The following SHANK2 variants were observed in gnomAD, a reference collection of about 807,000 sequenced individuals.
SHANK2 encodes the protein SH3 and multiple ankyrin repeat domains 2.
In SHANK2, 43 loss-of-function variants were observed where a neutral mutation model predicts 133.7. The ratio of observed to expected loss-of-function variants is 0.32; its 90% CI spans 0.25 to 0.41. SHANK2 has a LOEUF of 0.41. SHANK2 is among the 10% of genes least tolerant of loss of function. SHANK2 has a pLI of 1.00. For missense variants in SHANK2, 1,994 were observed against 2,235.8 expected (o/e 0.89, Z 2.18); for synonymous variants, 1,017 against 952.8 (o/e 1.07, Z -1.24).
At chr11:70,518,540 A>T (rs2059293079) in intron 17 of SHANK2, among the ~76,000 whole-genome samples, 1 of 152,162 alleles carries the variant, frequency 6.6e-6, no homozygotes, top group East Asian at 1.9e-4. Flanking sequence ...GCCTTTTTAC[A>T]TCTCTAGGCT....
chr11:71,157,826 C>A (rs1319192128), intron 2 of SHANK2, among the ~76,000 whole-genome samples: 1 of 152,186 alleles, frequency 6.6e-6, no homozygotes, highest in East Asian at 1.9e-4. Flanking sequence ...AAGGGAGCGA[C>A]TTGCCCAAGG....
intron 15 of SHANK2, among the ~76,000 whole-genome samples, chr11:70,680,374 CG>C (rs1256366467): frequency 6.6e-6 from 1 of 152,226 alleles, no homozygotes; most frequent in East Asian, 1.9e-4. Context: ...TGTTGGAGGG[CG>C]GGCTCCCCAC....
chr11:70,682,189 C>T (rs1945044233), intron 15 of SHANK2, among the ~76,000 whole-genome samples: 1 of 152,298 alleles, frequency 6.6e-6, no homozygotes, highest in South Asian at 2.1e-4. Context: ...CTGCTACTGC[C>T]ACTGTCTGAA....
rs1948999156 is a variant in SHANK2, at chr11:70,846,475, G to C, written c.1175-25793C>G. 3.3e-5 allele frequency among the ~76,000 whole-genome samples: 5 copies of C among 151,904 alleles called. No homozygotes were observed. In the South Asian group the frequency reaches 1.0e-3, roughly 32 times the overall value. ...TGTAGAGATGGGGCCTTGCTATGTTGCCCAGGCTGGCCTCAAGCGATCCTC... is the reference window on the plus strand; with the variant it reads ...TGTAGAGATGGGGCCTTGCTATGTTCCCCAGGCTGGCCTCAAGCGATCCTC... On this transcript the variant is annotated intron_variant, in intron 11 of 25. Coordinates refer to ENST00000601538, the MANE Select transcript of SHANK2 (RefSeq NM_012309.5).
intron 2 of SHANK2, among the ~76,000 whole-genome samples, chr11:71,192,903 C>T (rs1257807925): frequency 1.3e-5 from 2 of 152,178 alleles, no homozygotes; most frequent in Non-Finnish European, 2.9e-5. Context: ...GATGAAGCGC[C>T]TTGTATAAAA....
At chr11:70,861,816 G>A (rs1555067847) in intron 11 of SHANK2, among the ~76,000 whole-genome samples, 1 of 152,158 alleles carries the variant, frequency 6.6e-6, no homozygotes, top group Non-Finnish European at 1.5e-5. Flanking sequence ...GGAGCTCAGA[G>A]CTAGACAATA....
At position 70,573,730 on chromosome 11, in the gene SHANK2, C is replaced by T. The variant is rs186388952; in HGVS notation, c.2062-70799G>A. On this transcript the variant is annotated intron_variant, in intron 17 of 25. Transcript: ENST00000601538. The stretch of plus-strand genomic sequence containing the variant: ...TGCCCCTGAGGGTGAGGAGGGGAAA[C>T]GGGGCGCCAGCCGATGCCCCAAGCC... Among the ~76,000 whole-genome samples, 231 of 152,278 alleles carry T rather than the reference C, an allele frequency of 1.5e-3. 1 individual carries two copies. Among genetic ancestry groups the T allele is most frequent in the Admixed American group, 6.6e-3 (101 of 15,312 alleles).
At chr11:70,514,795 G>C (rs1025357370) in intron 17 of SHANK2, among the ~76,000 whole-genome samples, 2 of 151,968 alleles carry the variant, frequency 1.3e-5, no homozygotes, top group African/African-American at 2.4e-5. Context: ...AAATAAGGCA[G>C]AAAAAGGGAA....
chr11:70,782,087 A>G lies in SHANK2; in HGVS notation c.1777+16356T>C, dbSNP rs1947511312. 2.6e-5 allele frequency among the ~76,000 whole-genome samples: 4 copies of G among 152,292 alleles called. No individual in the cohort carries two copies. In the South Asian group the frequency reaches 8.3e-4, roughly 32 times the overall value. ...TGAGAATACTTATTTATTTATTTAG[A>G]GACAGTCCGCTCTGTTGCCCAGGCT... On this transcript the variant is annotated intron_variant, in intron 14 of 25. Transcript: ENST00000601538.
chr11:70,707,086 G>A (rs1210852623), intron 14 of SHANK2, among the ~76,000 whole-genome samples: 2 of 152,100 alleles, frequency 1.3e-5, no homozygotes, highest in African/African-American at 4.8e-5. Flanking sequence ...GAGATAGAAG[G>A]TGGGGCAAGG....
chr11:71,103,818 T>C (rs562134539), intron 6 of SHANK2, among the ~76,000 whole-genome samples: 3 of 151,156 alleles, frequency 2.0e-5, no homozygotes, highest in African/African-American at 4.9e-5. Context: ...TAAAGGTGTG[T>C]GGCACCTCTC....
chr11:70,921,811 C>T (rs1555080719), intron 10 of SHANK2, among the ~76,000 whole-genome samples: 1 of 152,184 alleles, frequency 6.6e-6, no homozygotes, highest in Non-Finnish European at 1.5e-5. Flanking sequence ...AATGATAATC[C>T]TCTCTGAAAG....
chr11:70,684,754 C>T (rs1555019108), intron 15 of SHANK2, among the ~76,000 whole-genome samples: 1 of 151,882 alleles, frequency 6.6e-6, no homozygotes, highest in Admixed American at 6.5e-5. Flanking sequence ...GGGCCAGGGA[C>T]AGTGCCCCTG....
chr11:70,883,339 T>G (rs1949685495), intron 11 of SHANK2, among the ~76,000 whole-genome samples: 1 of 152,170 alleles, frequency 6.6e-6, no homozygotes, highest in African/African-American at 2.4e-5. Context: ...TAGCACCCCC[T>G]AATGCTGGCC....
intron 10 of SHANK2, among the ~76,000 whole-genome samples, chr11:70,919,451 G>C (rs377273626): frequency 2.6e-5 from 4 of 151,382 alleles, no homozygotes; most frequent in Non-Finnish European, 5.9e-5. Flanking sequence ...GCACGATCTC[G>C]GCTCACTGCA....
intron 2 of SHANK2, among the ~76,000 whole-genome samples, chr11:71,163,138 G>C (rs2135472145): frequency 7.3e-6 from 1 of 137,060 alleles, no homozygotes; most frequent in Middle Eastern, 3.9e-3. Context: ...TATGCAAATA[G>C]GGCAAAATCT....
intron 10 of SHANK2, among the ~76,000 whole-genome samples, chr11:70,922,591 G>C (rs184308359): frequency 6.6e-6 from 1 of 152,120 alleles, no homozygotes; most frequent in Admixed American, 6.5e-5. Flanking sequence ...AATAACTACT[G>C]ATCTAGAACC....
At chr11:70,716,287 G>T (rs1328886695) in intron 14 of SHANK2, among the ~76,000 whole-genome samples, 1 of 152,172 alleles carries the variant, frequency 6.6e-6, no homozygotes, top group Non-Finnish European at 1.5e-5. Flanking sequence ...CCAAGAGAGG[G>T]CCCAGGAGGG....
At chr11:70,541,499 G>A (rs1273789404) in intron 17 of SHANK2, among the ~76,000 whole-genome samples, 2 of 152,214 alleles carry the variant, frequency 1.3e-5, no homozygotes, top group African/African-American at 4.8e-5. Context: ...AGGACACGGT[G>A]AGTGATGACT....
Sources: gnomAD v4.1 joint callset for allele counts (sites outside exome capture counted in the v4.1 genomes callset) on GRCh38, gnomAD v4.1.1 for gene constraint, MANE v1.5 for transcripts, NCBI Gene and HGNC (gene_info 2026-07-23, HGNC 2026-07-21) for gene names.